GNB4: variants seen among roughly 807,000 people sequenced by gnomAD.
GNB4 encodes the protein guanine nucleotide-binding protein subunit beta-4.
In GNB4, 28 loss-of-function variants were observed where a neutral mutation model predicts 45.2. That is an observed-to-expected ratio of 0.62 (90% CI 0.46 to 0.85). The LOEUF (loss-of-function observed/expected upper bound fraction) is 0.85, where lower values mean the gene tolerates loss of function less well. GNB4 is among the 40% of genes least tolerant of loss of function. GNB4 has a pLI of 0.00. For missense variants in GNB4, 321 were observed against 425.4 expected (o/e 0.75, Z 2.16); for synonymous variants, 132 against 143.7 (o/e 0.92, Z 0.58).
intron 1 of GNB4, among the ~76,000 whole-genome samples, chr3:179,442,999 C>T (rs1715630099): frequency 6.6e-6 from 1 of 152,090 alleles, no homozygotes; most frequent in African/African-American, 2.4e-5. Flanking sequence ...ATTTACCAGA[C>T]TTGGTTATAT....
chr3:179,430,620 ATT>A (rs34316813), intron 1 of GNB4, among the ~76,000 whole-genome samples: 129 of 135,714 alleles, frequency 9.5e-4, no homozygotes, highest in Admixed American at 1.7e-3. Context: ...TGCCTGGCTA[ATT>A]TTTTTTTTTT....
chr3:179,461,965 T>A, the GNB4 span, among the ~76,000 whole-genome samples: 7 of 152,246 alleles, frequency 4.6e-5, no homozygotes, highest in East Asian at 1.2e-3. Flanking sequence ...TAGCTCTGAT[T>A]AAGTTACTTG....
the GNB4 span, among the ~76,000 whole-genome samples, chr3:179,467,638 T>C: frequency 6.6e-6 from 1 of 152,120 alleles, no homozygotes; most frequent in African/African-American, 2.4e-5. Flanking sequence ...GTTCAAGTCA[T>C]AGTTGTTTTG....
At chr3:179,463,615 T>C in the GNB4 span, among the ~76,000 whole-genome samples, 2 of 152,208 alleles carry the variant, frequency 1.3e-5, no homozygotes, top group Non-Finnish European at 2.9e-5. Flanking sequence ...TACCCACGTG[T>C]TGGATCCTAA....
intron 2 of GNB4, among the ~76,000 whole-genome samples, chr3:179,424,245 G>A (rs1238882944): frequency 2.0e-5 from 3 of 152,196 alleles, no homozygotes; most frequent in Non-Finnish European, 2.9e-5. Context: ...ATAGGCATGT[G>A]GCCACATGGT....
At chr3:179,403,885 C>CT (rs1326460800) in intron 9 of GNB4, among the ~76,000 whole-genome samples, 1 of 151,486 alleles carries the variant, frequency 6.6e-6, no homozygotes, top group African/African-American at 2.4e-5. Context: ...CCAGGAAGCC[C>CT]ATTTTCAACA....
intron 8 of GNB4, among the ~76,000 whole-genome samples, chr3:179,412,845 A>C (rs1039745013): frequency 2.0e-5 from 3 of 148,696 alleles, no homozygotes; most frequent in Middle Eastern, 3.5e-3. Context: ...TAATCCCTCC[A>C]CTTTGGAAAA....
At chr3:179,503,993 C>T in the GNB4 span, among the ~76,000 whole-genome samples, 1 of 152,248 alleles carries the variant, frequency 6.6e-6, no homozygotes, top group East Asian at 1.9e-4. Context: ...GAGTTCTGAA[C>T]TCCCAGATCG....
the GNB4 span, among the ~76,000 whole-genome samples, chr3:179,472,529 A>G: frequency 6.6e-6 from 1 of 151,638 alleles, no homozygotes; most frequent in African/African-American, 2.4e-5. Flanking sequence ...GTGTCACTAT[A>G]CCTGGCAAGT....
chr3:179,416,710 T>C (rs1714810329), intron 4 of GNB4, among the ~76,000 whole-genome samples, 154 bp from the exon 5 acceptor site: 1 of 152,172 alleles, frequency 6.6e-6, no homozygotes, highest in Non-Finnish European at 1.5e-5. Flanking sequence ...TTTTAAAAAA[T>C]TTATGCTGCA....
the GNB4 span, among the ~76,000 whole-genome samples, chr3:179,499,680 A>C: frequency 6.6e-6 from 1 of 152,226 alleles, no homozygotes; most frequent in Non-Finnish European, 1.5e-5. Flanking sequence ...GTCTTCCACA[A>C]TGGTCGAACT....
intron 1 of GNB4, among the ~76,000 whole-genome samples, chr3:179,444,427 T>TG (rs1715668904): frequency 1.3e-5 from 2 of 151,096 alleles, no homozygotes; most frequent in African/African-American, 4.8e-5. Context: ...CAGGGTGTTT[T>TG]TTTTTTTTTT....
chr3:179,405,546 A>AT, intron 8 of GNB4, 140 bp from the exon 9 acceptor site: 1 of 595,038 alleles, frequency 1.7e-6, no homozygotes, highest in Non-Finnish European at 2.9e-6. Flanking sequence ...AAGATTCTTA[A>AT]ATATTTTGAG....
chr3:179,456,736 A>G, the GNB4 span, among the ~76,000 whole-genome samples: 1 of 152,276 alleles, frequency 6.6e-6, no homozygotes, highest in East Asian at 1.9e-4. Context: ...TCTCTTCCCT[A>G]CCATGACTCT....
At chr3:179,496,553 G>A in the GNB4 span, among the ~76,000 whole-genome samples, 52 of 152,130 alleles carry the variant, frequency 3.4e-4, no homozygotes, top group East Asian at 9.6e-4. Context: ...TAAAGTGGCC[G>A]AACTGATTAA....
the GNB4 span, among the ~76,000 whole-genome samples, chr3:179,462,734 A>C: frequency 6.6e-6 from 1 of 152,082 alleles, no homozygotes; most frequent in Non-Finnish European, 1.5e-5. Context: ...GCTACTCGGG[A>C]GGCTGAGACA....
At chr3:179,521,509 T>C in the GNB4 span, among the ~76,000 whole-genome samples, 1 of 152,152 alleles carries the variant, frequency 6.6e-6, no homozygotes, top group African/African-American at 2.4e-5. Flanking sequence ...CCAAAAAAAC[T>C]TGTCATCCCT....
Position 179,401,156 on chromosome 3 carries a change from G to T in GNB4, c.*57C>A. 1 of 1,220,602 alleles carries T rather than the reference G, an allele frequency of 8.2e-7. No individual in the cohort carries two copies. The highest frequency in any genetic ancestry group is 1.2e-6 in the Non-Finnish European group (1 of 844,864). 75.6% of individuals were successfully genotyped at this position (1,220,602 alleles called of 1,614,324 possible). On this transcript the variant is annotated 3_prime_UTR_variant, in exon 10 of 10. Coordinates refer to ENST00000232564, the MANE Select transcript of GNB4 (RefSeq NM_021629.4). ...AAGGTAGAATTTTTTCACAGCTATAGGCTGTAGCATTGATTTCTCCAGATA... is the reference window on the plus strand; with the variant it reads ...AAGGTAGAATTTTTTCACAGCTATATGCTGTAGCATTGATTTCTCCAGATA...
At chr3:179,406,117 A>G (rs1714463800) in intron 8 of GNB4, among the ~76,000 whole-genome samples, 1 of 152,096 alleles carries the variant, frequency 6.6e-6, no homozygotes, top group Non-Finnish European at 1.5e-5. Flanking sequence ...CTCATCTTAT[A>G]GTTTTTGCTC....
Sources: gnomAD v4.1 joint callset for allele counts (sites outside exome capture counted in the v4.1 genomes callset) on GRCh38, gnomAD v4.1.1 for gene constraint, MANE v1.5 for transcripts, NCBI Gene and HGNC (gene_info 2026-07-23, HGNC 2026-07-21) for gene names.